The following EPHA6 variants were observed in gnomAD, a reference collection of about 807,000 sequenced individuals.
The protein encoded by EPHA6 is ephrin type-A receptor 6.
In EPHA6, 50 loss-of-function variants were observed where a neutral mutation model predicts 112.0. The observed-to-expected ratio is 0.45, with a 90% CI of 0.36 to 0.56. The LOEUF is 0.56. Ranked by LOEUF, EPHA6 falls within the 20% of genes least tolerant of loss-of-function variation. The pLI is 0.00. For synonymous variants in EPHA6, 529 were observed against 490.7 expected, an observed-to-expected ratio of 1.08 and a Z score of -1.03; for missense variants, 1,280 against 1,417.4, an observed-to-expected ratio of 0.90 and a Z score of 1.56.
intron 3 of EPHA6, among the ~76,000 whole-genome samples, chr3:97,167,645 C>T (rs2076574486): frequency 6.6e-6 from 1 of 152,060 alleles, no homozygotes; most frequent in Non-Finnish European, 1.5e-5. Flanking sequence ...TATAAGGTGT[C>T]ATAAAAGATT....
chr3:97,543,007 A>T (rs1015048342), intron 11 of EPHA6, among the ~76,000 whole-genome samples: 2 of 152,152 alleles, frequency 1.3e-5, no homozygotes, highest in East Asian at 1.9e-4. Flanking sequence ...CTTTTGTCAG[A>T]TGAATAGATT....
chr3:97,230,728 A>T (rs923855708), intron 4 of EPHA6, among the ~76,000 whole-genome samples: 1 of 152,214 alleles, frequency 6.6e-6, no homozygotes, highest in Non-Finnish European at 1.5e-5. Flanking sequence ...AGTAAATCTC[A>T]AAGAGGTAGC....
intron 2 of EPHA6, among the ~76,000 whole-genome samples, chr3:96,939,584 T>TG (rs1225887754): frequency 2.0e-5 from 3 of 152,128 alleles, no homozygotes; most frequent in Non-Finnish European, 4.4e-5. Context: ...TTTTGAAGGG[T>TG]TTTTGTGTCT....
chr3:97,181,703 G>T (rs1269219520), intron 3 of EPHA6, among the ~76,000 whole-genome samples: 2 of 151,978 alleles, frequency 1.3e-5, no homozygotes, highest in African/African-American at 4.8e-5. Flanking sequence ...AATTATTAGA[G>T]GATTTGGCCA....
At chr3:97,511,911 C>A (rs901564260) in intron 10 of EPHA6, among the ~76,000 whole-genome samples, 1 of 151,680 alleles carries the variant, frequency 6.6e-6, no homozygotes, top group Non-Finnish European at 1.5e-5. Context: ...CTTATAATTG[C>A]CAGCATTTTT....
chr3:97,527,829 T>G (rs1362850068), intron 10 of EPHA6, among the ~76,000 whole-genome samples: 5 of 152,114 alleles, frequency 3.3e-5, no homozygotes, highest in Non-Finnish European at 7.4e-5. Flanking sequence ...TTCTCAGTGA[T>G]GAAGAAGAAC....
chr3:97,393,212 T>A (rs751661969), intron 5 of EPHA6, among the ~76,000 whole-genome samples: 10 of 151,944 alleles, frequency 6.6e-5, no homozygotes, highest in Non-Finnish European at 1.5e-4. Flanking sequence ...TACTGAAACA[T>A]GACAAGTAAT....
chr3:97,533,043 G>A (rs2092713138), intron 11 of EPHA6, among the ~76,000 whole-genome samples: 1 of 151,772 alleles, frequency 6.6e-6, no homozygotes, highest in Non-Finnish European at 1.5e-5. Flanking sequence ...AATTCCTCAA[G>A]TAAAAATTCT....
rs139501911 is a variant in EPHA6 at position 96,887,952 on chromosome 3, A to G, written c.450+21063A>G. On this transcript the variant is annotated intron_variant, in intron 2 of 17. Coordinates refer to ENST00000389672, the MANE Select transcript of EPHA6 (RefSeq NM_001080448.3). Reference sequence around the variant, plus strand: ...GTCTCACTCCCACTGTGCCCCCACAACAACTCCCAGTCTGTTTCTAGGTGG... The same window carrying G: ...GTCTCACTCCCACTGTGCCCCCACAGCAACTCCCAGTCTGTTTCTAGGTGG... 6.3e-4 allele frequency among the ~76,000 whole-genome samples: 96 copies of G among 152,176 alleles called. No individual in the cohort carries two copies. In the East Asian group the frequency reaches 0.015, roughly 24 times the overall value.
At chr3:97,223,972 AATGC>A (rs2078279097) in intron 3 of EPHA6, among the ~76,000 whole-genome samples, 1 of 152,070 alleles carries the variant, frequency 6.6e-6, no homozygotes, top group African/African-American at 2.4e-5. Flanking sequence ...GGGCACTTGA[AATGC>A]AGTTAGTTTA....
At chr3:97,687,812 C>T (rs554329489) in intron 14 of EPHA6, among the ~76,000 whole-genome samples, 41 of 152,290 alleles carry the variant, frequency 2.7e-4, no homozygotes, top group African/African-American at 9.6e-4. Context: ...CTTAAAATGT[C>T]ACTTAGGTTC....
intron 3 of EPHA6, among the ~76,000 whole-genome samples, chr3:97,037,477 C>T (rs1014881847): frequency 1.3e-5 from 2 of 151,814 alleles, no homozygotes; most frequent in Non-Finnish European, 2.9e-5. Flanking sequence ...TTGACATTTG[C>T]AAGAGAATAC....
At chr3:97,444,725 G>C (rs1577433575) in intron 6 of EPHA6, among the ~76,000 whole-genome samples, 1 of 152,096 alleles carries the variant, frequency 6.6e-6, no homozygotes, top group African/African-American at 2.4e-5. Context: ...GAAAGATATA[G>C]CCATAGGGTC....
chr3:97,660,204 T>G (rs973923276), intron 14 of EPHA6, among the ~76,000 whole-genome samples: 1 of 152,114 alleles, frequency 6.6e-6, no homozygotes, highest in Non-Finnish European at 1.5e-5. Flanking sequence ...TATTTTGCAC[T>G]GTTCTCTTGA....
At chr3:96,889,116 C>T (rs1429188229) in intron 2 of EPHA6, among the ~76,000 whole-genome samples, 1 of 152,160 alleles carries the variant, frequency 6.6e-6, no homozygotes, top group Non-Finnish European at 1.5e-5. Context: ...TCATTTGCAT[C>T]TGAGACCATA....
chr3:97,554,705 TG>T (rs1269314435), intron 11 of EPHA6, among the ~76,000 whole-genome samples: 1 of 151,992 alleles, frequency 6.6e-6, no homozygotes, highest in Non-Finnish European at 1.5e-5. Context: ...GAACACTGCT[TG>T]CAGGTTACAT....
chr3:96,957,251 A>T (rs2041799287), intron 2 of EPHA6, among the ~76,000 whole-genome samples: 1 of 152,198 alleles, frequency 6.6e-6, no homozygotes, highest in African/African-American at 2.4e-5. Context: ...AAGAAGAGGG[A>T]TATCTACAAA....
intron 2 of EPHA6, among the ~76,000 whole-genome samples, chr3:96,895,658 TTTG>T (rs953547835): frequency 2.0e-5 from 3 of 152,102 alleles, no homozygotes; most frequent in South Asian, 2.1e-4. Context: ...TATACTGTTT[TTTG>T]TTGTTGTTGT....
chr3:97,550,987 T>G (rs2093021711), intron 11 of EPHA6, among the ~76,000 whole-genome samples: 1 of 152,202 alleles, frequency 6.6e-6, no homozygotes, highest in Non-Finnish European at 1.5e-5. Flanking sequence ...TTTAACACTT[T>G]CTAATGTCAG....
Sources: gnomAD v4.1 joint callset for allele counts (sites outside exome capture counted in the v4.1 genomes callset) on GRCh38, gnomAD v4.1.1 for gene constraint, MANE v1.5 for transcripts, NCBI Gene and HGNC (gene_info 2026-07-23, HGNC 2026-07-21) for gene names.